The following SLC9A9 variants were observed in gnomAD, a reference collection of about 807,000 sequenced individuals.
The protein encoded by SLC9A9 is solute carrier family 9 member A9, also known as sodium/hydrogen exchanger 9.
SLC9A9 carries 62 observed loss-of-function variants against 77.8 expected under a neutral mutation model. The observed-to-expected ratio is 0.80, with a 90% CI of 0.65 to 0.98. The LOEUF (loss-of-function observed/expected upper bound fraction) is 0.98. Ranked by LOEUF, SLC9A9 falls within the 50% of genes least tolerant of loss-of-function variation. SLC9A9 has a pLI of 0.00. For missense variants in SLC9A9, 775 were observed against 774.9 expected (o/e 1.00, Z 0.00); for synonymous variants, 320 against 283.5 (o/e 1.13, Z -1.29).
chr3:143,574,597 C>T (rs539634621), intron 7 of SLC9A9, among the ~76,000 whole-genome samples: 12 of 152,190 alleles, frequency 7.9e-5, no homozygotes, highest in South Asian at 6.2e-4. Context: ...GCTGCTCCCT[C>T]GGGAGTGCAG....
intron 5 of SLC9A9, among the ~76,000 whole-genome samples, chr3:143,684,131 C>T (rs1933188411): frequency 6.6e-6 from 1 of 152,030 alleles, no homozygotes; most frequent in African/African-American, 2.4e-5. Flanking sequence ...CTGTCCCACA[C>T]CACGAACAGT....
At chr3:143,681,009 T>A (rs1316640378) in intron 5 of SLC9A9, among the ~76,000 whole-genome samples, 1 of 152,124 alleles carries the variant, frequency 6.6e-6, no homozygotes. Context: ...ACTAAAAGTG[T>A]CCCTGAACAG....
intron 6 of SLC9A9, among the ~76,000 whole-genome samples, chr3:143,614,223 AT>A (rs1216036153): frequency 5.3e-5 from 8 of 152,030 alleles, no homozygotes; most frequent in Non-Finnish European, 1.2e-4. Context: ...CCTAGGCTCA[AT>A]TTCATGTTCC....
At chr3:143,835,646 G>A (rs185298919) in intron 1 of SLC9A9, among the ~76,000 whole-genome samples, 9 of 152,328 alleles carry the variant, frequency 5.9e-5, no homozygotes, top group African/African-American at 2.4e-5. Context: ...ATGAGAGTAG[G>A]TTGTTTTTAT....
chr3:143,290,927 C>A (rs553348770), intron 14 of SLC9A9, among the ~76,000 whole-genome samples: 1 of 152,294 alleles, frequency 6.6e-6, no homozygotes, highest in African/African-American at 2.4e-5. Flanking sequence ...AGCTTGGAGT[C>A]TTTCAAAGGC....
At chr3:143,395,717 T>C (rs2033712136) in intron 12 of SLC9A9, among the ~76,000 whole-genome samples, 2 of 152,098 alleles carry the variant, frequency 1.3e-5, no homozygotes, top group Admixed American at 1.3e-4. Flanking sequence ...AGGGCTAATA[T>C]CCAGAATCTA....
rs578179604 is a variant in SLC9A9, at chr3:143,283,296, C to T, written c.1605-14316G>A. 1.2e-4 allele frequency among the ~76,000 whole-genome samples: 19 copies of T among 152,200 alleles called. No homozygotes were observed. The South Asian group carries it at 2.3e-3, about 18-fold the overall frequency. On this transcript the variant is annotated intron_variant, in intron 14 of 15. Coordinates refer to ENST00000316549, the MANE Select transcript of SLC9A9 (RefSeq NM_173653.4). The stretch of plus-strand genomic sequence containing the variant: ...GCCTTAGGGACAGGGGTGTAGGAGA[C>T]GGGTGGGCACTGGGCTGGACACTGG...
At chr3:143,705,032 TATCTATCTATATAG>T (rs1933927580) in intron 4 of SLC9A9, among the ~76,000 whole-genome samples, 2 of 32,162 alleles carry the variant, frequency 6.2e-5, no homozygotes, top group East Asian at 1.1e-3. Context: ...TCTATCTATC[TATCTATCTATATAG>T]ATATAGATAT....
At chr3:143,386,057 C>T (rs1337897329) in intron 12 of SLC9A9, among the ~76,000 whole-genome samples, 4 of 152,184 alleles carry the variant, frequency 2.6e-5, no homozygotes, top group Non-Finnish European at 5.9e-5. Flanking sequence ...CAAGCACTGT[C>T]CTCCCTTCTG....
intron 1 of SLC9A9, among the ~76,000 whole-genome samples, chr3:143,841,398 T>C (rs974213434): frequency 7.9e-5 from 12 of 152,244 alleles, no homozygotes; most frequent in Non-Finnish European, 1.3e-4. Context: ...TTAATATATG[T>C]AAAGTGCTTA....
chr3:143,531,339 GT>G (rs2108621638), intron 9 of SLC9A9, among the ~76,000 whole-genome samples: 1 of 152,276 alleles, frequency 6.6e-6, no homozygotes, highest in East Asian at 1.9e-4. Flanking sequence ...AGAGACCCTG[GT>G]GAATAGAGCT....
In SLC9A9 at chr3:143,668,747, G is replaced by A. The variant is rs114231465; in HGVS notation, c.650-16387C>T. 4.8e-3 allele frequency among the ~76,000 whole-genome samples: 738 copies of A among 152,282 alleles called. 4 individuals carry two copies. The highest frequency in any genetic ancestry group is 0.015 in the African/African-American group (613 of 41,550). ...TCACCCACCATGTGGTTAGCTCCTC[G>A]AGGATCAGAACAGCTCCTTTTCTCC... On this transcript the variant is annotated intron_variant, in intron 5 of 15. Coordinates refer to ENST00000316549, the MANE Select transcript of SLC9A9 (RefSeq NM_173653.4).
chr3:143,385,268 C>G (rs1306770444), intron 12 of SLC9A9, among the ~76,000 whole-genome samples: 4 of 152,032 alleles, frequency 2.6e-5, no homozygotes, highest in African/African-American at 9.7e-5. Context: ...CTAACCCTGA[C>G]AGTCAAATTT....
chr3:143,321,103 C>G (rs189633036), intron 14 of SLC9A9, among the ~76,000 whole-genome samples: 6 of 152,292 alleles, frequency 3.9e-5, no homozygotes, highest in East Asian at 1.9e-4. Context: ...AAACATCTAG[C>G]CTTTAGAACT....
intron 4 of SLC9A9, among the ~76,000 whole-genome samples, chr3:143,716,141 C>T (rs1934342070): frequency 6.6e-6 from 1 of 152,170 alleles, no homozygotes; most frequent in Non-Finnish European, 1.5e-5. Context: ...GTGGCACCAC[C>T]ATGGCTTACT....
At chr3:143,606,436 C>CTCTCTCTCTCTCTATATATATATA (rs1419410834) in intron 6 of SLC9A9, among the ~76,000 whole-genome samples, 9 of 54,214 alleles carry the variant, frequency 1.7e-4, no homozygotes, top group South Asian at 9.6e-4. Flanking sequence ...CTCTCTCTCT[C>CTCTCTCTCTCTCTATATATATATA]TATATATATA....
chr3:143,779,147 GTTA>G (rs1461662778), intron 4 of SLC9A9, among the ~76,000 whole-genome samples: 1 of 152,052 alleles, frequency 6.6e-6, no homozygotes, highest in Non-Finnish European at 1.5e-5. Context: ...ATATTATACT[GTTA>G]TTATTTATCA....
intron 12 of SLC9A9, among the ~76,000 whole-genome samples, chr3:143,454,726 A>T (rs2035059369): frequency 6.6e-6 from 1 of 152,172 alleles, no homozygotes; most frequent in Non-Finnish European, 1.5e-5. Flanking sequence ...GAGGCTCTGG[A>T]GGAAAATCTT....
At chr3:143,613,562 A>C (rs572766026) in intron 6 of SLC9A9, among the ~76,000 whole-genome samples, 5 of 152,290 alleles carry the variant, frequency 3.3e-5, no homozygotes, top group Middle Eastern at 3.4e-3. Flanking sequence ...ATTTGTTTTC[A>C]TGTAAGGTCT....
Sources: allele counts gnomAD v4.1 joint callset (sites outside exome capture counted in the v4.1 genomes callset), GRCh38; gene constraint gnomAD v4.1.1; transcripts MANE v1.5; gene names NCBI Gene and HGNC (gene_info 2026-07-23, HGNC 2026-07-21).